The following SATB2 variants were observed in gnomAD, a reference collection of about 807,000 sequenced individuals.
The protein encoded by SATB2 is DNA-binding protein SATB2.
A neutral mutation model predicts 73.4 loss-of-function variants in SATB2; 1 was observed. That is an observed-to-expected ratio of 0.01 (90% CI 0.00 to 0.06). The LOEUF (loss-of-function observed/expected upper bound fraction) is 0.06, where lower values mean the gene tolerates loss of function less well. SATB2 is among the 10% of genes least tolerant of loss of function. The pLI is 1.00. For missense variants in SATB2, 459 were observed against 945.8 expected (o/e 0.49, Z 6.75); for synonymous variants, 397 against 367.0 (o/e 1.08, Z -0.93).
Position 199,455,910 on chromosome 2 carries a change from G to A in SATB2, c.128C>T (p.Ala43Val). 1 of 1,538,274 alleles carries A rather than the reference G, an allele frequency of 6.5e-7. No individual in the cohort carries two copies. Among genetic ancestry groups the A allele is most frequent in the Non-Finnish European group, 8.7e-7 (1 of 1,148,194 alleles). ...RLEQNGSPMG[A>V]RGRPNGAVAK... Reference sequence around the variant, plus strand: ...CACGGCGCCGTTGGGCCTCCCGCGGGCTCCCATGGGGCTGCCGTTCTGCTC... The same window carrying A: ...CACGGCGCCGTTGGGCCTCCCGCGGACTCCCATGGGGCTGCCGTTCTGCTC... The change falls in exon 2 of 11, where the codon GCC becomes GTC. Residue 43 changes from alanine to valine, a missense_variant. Physicochemically the swap from Ala to Val is moderately conservative, Grantham distance 64. Transcript: ENST00000417098. This position sits in a 1 kb window ranked among gnomAD's most constrained non-coding sequence, Gnocchi z 4.1.
intron 8 of SATB2, chr2:199,326,039 AT>A (rs1381647780): frequency 1.3e-5 from 2 of 152,160 alleles, no homozygotes; most frequent in Non-Finnish European, 2.9e-5. Context: ...ATCTCCCTGC[AT>A]CAATGTCAAG....
chr2:199,349,830 TCTC>T (rs1181526865), intron 6 of SATB2, among the ~76,000 whole-genome samples: 1 of 152,180 alleles, frequency 6.6e-6, no homozygotes, highest in Non-Finnish European at 1.5e-5. Context: ...TAAATGAAGT[TCTC>T]CTCAGGTTAT....
upstream of SATB2, among the ~76,000 whole-genome samples, chr2:199,460,225 T>G (rs773813759): frequency 2.0e-5 from 3 of 150,508 alleles, no homozygotes; most frequent in Non-Finnish European, 4.4e-5. This position sits in a 1 kb window ranked among gnomAD's most constrained non-coding sequence, Gnocchi z 4.0. Context: ...CAAAAATGGG[T>G]CTAGTAAATC....
intron 2 of SATB2, among the ~76,000 whole-genome samples, chr2:199,445,872 C>T (rs1171539097): frequency 1.3e-5 from 2 of 152,200 alleles, no homozygotes; most frequent in African/African-American, 4.8e-5. Context: ...CAGGCACCTT[C>T]ACTCTGAATA....
At chr2:199,465,170 A>C (rs1692569445), upstream of SATB2, 1 of 152,054 alleles carries the variant, frequency 6.6e-6, no homozygotes, top group Admixed American at 6.6e-5. Flanking sequence ...GGGGTGTGCA[A>C]GTGTGAGTGT....
intron 7 of SATB2, among the ~76,000 whole-genome samples, chr2:199,335,248 G>A (rs1020063505): frequency 6.6e-6 from 1 of 152,094 alleles, no homozygotes; most frequent in African/African-American, 2.4e-5. Context: ...TATGCATGTG[G>A]CATTTTTGTC....
intron 9 of SATB2, among the ~76,000 whole-genome samples, chr2:199,311,784 T>G (rs1194767852): frequency 1.3e-5 from 2 of 152,184 alleles, no homozygotes; most frequent in Non-Finnish European, 2.9e-5. Flanking sequence ...ACTTCCCATC[T>G]CATGCACCAT....
chr2:199,321,749 C>T (rs1324271147), intron 9 of SATB2, among the ~76,000 whole-genome samples: 1 of 151,742 alleles, frequency 6.6e-6, no homozygotes, highest in East Asian at 1.9e-4. Context: ...CAATTAAATT[C>T]ATTTTGTTTG....
At chr2:199,396,042 G>A (rs1272382231) in intron 3 of SATB2, 1 of 152,178 alleles carries the variant, frequency 6.6e-6, no homozygotes, top group African/African-American at 2.4e-5. Flanking sequence ...ATGAAACACT[G>A]CTCGTGCTAA....
intron 10 of SATB2, among the ~76,000 whole-genome samples, chr2:199,276,442 G>A (rs1692315140): frequency 6.6e-6 from 1 of 152,068 alleles, no homozygotes; most frequent in South Asian, 2.1e-4. Context: ...ATCAAATTTG[G>A]TCTCTGTCCC....
At chr2:199,345,459 C>T (rs1234065565) in intron 7 of SATB2, among the ~76,000 whole-genome samples, 1 of 140,904 alleles carries the variant, frequency 7.1e-6, no homozygotes, top group African/African-American at 2.6e-5. Flanking sequence ...GACTGTTGCA[C>T]ATTTTCACTT....
At chr2:199,361,762 T>C (rs1689144513) in intron 6 of SATB2, among the ~76,000 whole-genome samples, 1 of 133,992 alleles carries the variant, frequency 7.5e-6, no homozygotes, top group Non-Finnish European at 1.6e-5. Context: ...CATTTCTTTT[T>C]TTTTTTTTTT....
upstream of SATB2, chr2:199,467,609 T>G (rs1247540073): frequency 6.6e-6 from 1 of 152,330 alleles, no homozygotes; most frequent in African/African-American, 2.4e-5. Flanking sequence ...ATTCCCTCCC[T>G]CTGCAGCCCA....
intron 3 of SATB2, among the ~76,000 whole-genome samples, chr2:199,407,492 C>T (rs1490293349): frequency 2.6e-5 from 4 of 152,208 alleles, no homozygotes; most frequent in Admixed American, 1.3e-4. Flanking sequence ...AAAGAGGTTA[C>T]AGCCCAGGAG....
chr2:199,467,386 A>G (rs1212569475), upstream of SATB2: 1 of 152,300 alleles, frequency 6.6e-6, no homozygotes. Flanking sequence ...CTTTTATCCA[A>G]CAGCCTCCCC....
intron 3 of SATB2, among the ~76,000 whole-genome samples, chr2:199,422,835 A>G (rs1205362142): frequency 6.6e-6 from 1 of 152,184 alleles, no homozygotes; most frequent in East Asian, 1.9e-4. Context: ...AATATTAACA[A>G]ATTTTATTAT....
At chr2:199,412,532 G>A (rs892505350) in intron 3 of SATB2, among the ~76,000 whole-genome samples, 8 of 152,144 alleles carry the variant, frequency 5.3e-5, no homozygotes, top group Admixed American at 3.3e-4. Flanking sequence ...CTTCAGCATG[G>A]CATTACTTTG....
chr2:199,434,446 T>C (rs973708635), intron 2 of SATB2, among the ~76,000 whole-genome samples: 1 of 152,218 alleles, frequency 6.6e-6, no homozygotes, highest in African/African-American at 2.4e-5. Flanking sequence ...TTTAAACTTT[T>C]TTTTTATTTT....
At chr2:199,346,514 G>A (rs904725907) in intron 7 of SATB2, among the ~76,000 whole-genome samples, 1 of 151,996 alleles carries the variant, frequency 6.6e-6, no homozygotes, top group Admixed American at 6.6e-5. Flanking sequence ...AATTTAAATC[G>A]CCTACATAAT....
Sources: allele counts gnomAD v4.1 joint callset (sites outside exome capture counted in the v4.1 genomes callset), GRCh38; gene constraint gnomAD v4.1.1; non-coding constraint Gnocchi (gnomAD v3.1); transcripts MANE v1.5; gene names NCBI Gene and HGNC (gene_info 2026-07-23, HGNC 2026-07-21).